MYSM1: variants seen among roughly 807,000 people sequenced by gnomAD.
MYSM1 encodes deubiquitinase MYSM1.
A neutral mutation model predicts 116.0 loss-of-function variants in MYSM1; 51 were observed. The observed-to-expected ratio is 0.44, with a 90% confidence interval of 0.35 to 0.56. The LOEUF (loss-of-function observed/expected upper bound fraction) is 0.56. Ranked by LOEUF, MYSM1 falls within the 20% of genes least tolerant of loss-of-function variation. The pLI is 0.00. For synonymous variants in MYSM1, 313 were observed against 315.2 expected (o/e 0.99, Z 0.07); for missense variants, 900 against 974.9 (o/e 0.92, Z 1.02).
chr1:58,673,735 A>T, intron 10 of MYSM1, 85 bp from the exon 11 acceptor site: 1 of 1,126,760 alleles, frequency 8.9e-7, no homozygotes, highest in Non-Finnish European at 1.3e-6. Flanking sequence ...TGAAAACAAT[A>T]ATTATCTAAA....
intron 16 of MYSM1, among the ~76,000 whole-genome samples, chr1:58,666,831 GC>G (rs1644478278): frequency 6.6e-6 from 1 of 150,500 alleles, no homozygotes; most frequent in South Asian, 2.1e-4. Flanking sequence ...CCAAGATCGT[GC>G]CATTGCACTC....
At chr1:58,660,642 A>G (rs946248228) in intron 19 of MYSM1, among the ~76,000 whole-genome samples, 2 of 152,166 alleles carry the variant, frequency 1.3e-5, no homozygotes, top group Non-Finnish European at 2.9e-5. Flanking sequence ...CATATTAAAA[A>G]GAAACTTAAT....
chr1:58,664,149 G>T (rs1220982894), intron 17 of MYSM1, among the ~76,000 whole-genome samples: 2 of 152,154 alleles, frequency 1.3e-5, no homozygotes, highest in African/African-American at 4.8e-5. Context: ...GTACTGGATA[G>T]CATCAGAATT....
intron 5 of MYSM1, 161 bp downstream of exon 5, chr1:58,690,065 T>C (rs1644881519): frequency 1.7e-6 from 1 of 584,084 alleles, no homozygotes; most frequent in South Asian, 2.5e-5. Context: ...ACCATAAAAT[T>C]ATACTTGTGC....
At chr1:58,662,045 A>G (rs1569695904) in intron 17 of MYSM1, among the ~76,000 whole-genome samples, 1 of 151,970 alleles carries the variant, frequency 6.6e-6, no homozygotes, top group Admixed American at 6.6e-5. Context: ...AAGTGGCAGG[A>G]CACAGATGTT....
intron 19 of MYSM1, among the ~76,000 whole-genome samples, chr1:58,660,753 G>A (rs886943403): frequency 1.3e-5 from 2 of 152,016 alleles, no homozygotes; most frequent in African/African-American, 4.8e-5. Flanking sequence ...TGAACTGACA[G>A]AATTCAAAAC....
At chr1:58,662,838 T>C (rs1036104384) in intron 17 of MYSM1, among the ~76,000 whole-genome samples, 19 of 152,086 alleles carry the variant, frequency 1.2e-4, no homozygotes, top group African/African-American at 4.3e-4. Context: ...CTCCAAAAAC[T>C]TAAGAAGAGT....
rs755886163 is a variant in MYSM1, at chr1:58,681,767, A to G, written c.1259+18T>C. 1.9e-6 allele frequency: 3 copies of G among 1,555,074 alleles called. No homozygotes were observed. Among genetic ancestry groups the G allele is most frequent in the Admixed American group, 2.1e-5 (1 of 48,484 alleles). On this transcript the variant is annotated intron_variant, in intron 8 of 19. Coordinates refer to ENST00000472487, the MANE Select transcript of MYSM1 (RefSeq NM_001085487.3). ...TATCACGTTTTAAAACAACATCTAT[A>G]ATGTAATTCTTTCTTACCATTGATC...
At chr1:58,688,743 G>A (rs1456626439) in intron 6 of MYSM1, among the ~76,000 whole-genome samples, 1 of 151,786 alleles carries the variant, frequency 6.6e-6, no homozygotes, top group Non-Finnish European at 1.5e-5. Context: ...AATCCAGGTA[G>A]TTGGTGTCAT....
chr1:58,673,130 A>G (rs1253384225), intron 11 of MYSM1, among the ~76,000 whole-genome samples: 3 of 152,256 alleles, frequency 2.0e-5, no homozygotes, highest in African/African-American at 7.2e-5. Flanking sequence ...TGCTTAAAGT[A>G]ACAAAGCCAG....
chr1:58,676,802 T>C, intron 9 of MYSM1, 124 bp downstream of exon 9: 3 of 932,392 alleles, frequency 3.2e-6, no homozygotes, highest in East Asian at 7.0e-5. Flanking sequence ...TATTAAATAA[T>C]GTTACAGCAC....
intron 12 of MYSM1, 82 bp downstream of exon 12, chr1:58,671,788 A>C: frequency 9.8e-7 from 1 of 1,017,372 alleles, no homozygotes; most frequent in Non-Finnish European, 1.5e-6. Flanking sequence ...GAACAATATA[A>C]TGCAGCTATT....
At chr1:58,663,576 T>C (rs1308703233) in intron 17 of MYSM1, among the ~76,000 whole-genome samples, 2 of 152,242 alleles carry the variant, frequency 1.3e-5, no homozygotes, top group African/African-American at 4.8e-5. Context: ...GTGTTAAGCA[T>C]GGACAAGTCA....
chr1:58,666,808 A>T (rs1382022945), intron 16 of MYSM1, among the ~76,000 whole-genome samples: 1 of 151,614 alleles, frequency 6.6e-6, no homozygotes, highest in Non-Finnish European at 1.5e-5. Context: ...TAAGAGGCAG[A>T]GGTTGCAGTG....
At chr1:58,685,589 G>A (rs536255623) in intron 6 of MYSM1, among the ~76,000 whole-genome samples, 24 of 152,278 alleles carry the variant, frequency 1.6e-4, no homozygotes, top group African/African-American at 5.8e-4. Context: ...ATAAGTGCCT[G>A]AAAGGGGTAC....
Position 58,668,635 on chromosome 1 carries a change from A to C in MYSM1, c.1764T>G (p.Asp588Glu). The change falls in exon 14 of 20, where the codon GAT becomes GAG. Residue 588 changes from aspartate to glutamate, a missense_variant. Physicochemically the swap from Asp to Glu is conservative, Grantham distance 45. Around this residue, in one of 3 missense-constraint regions of MYSM1, gnomAD observed 92 missense variants for 155.0 expected, o/e 0.59. Transcript: ENST00000472487. ...KVASEALLIM[D>E]LHAHVSMAEV... ...AAACACAATAGATTATCCTTACCAA[A>C]TCCATTATTAAAAGTGCTTCTGAAG... 6.2e-7 allele frequency: 1 copy of C among 1,603,746 alleles called. No individual in the cohort carries two copies.
At position 58,659,915 on chromosome 1, in the gene MYSM1, G is replaced by T; in HGVS notation, c.*82C>A. The stretch of plus-strand genomic sequence containing the variant: ...GAAAAAATACCAAAGCTGTGCCAAT[G>T]TTAACTACAATCACTTCAAGTTTAT... On this transcript the variant is annotated 3_prime_UTR_variant, in exon 20 of 20. Transcript: ENST00000472487. 2 of 934,740 alleles carry T rather than the reference G, an allele frequency of 2.1e-6. No individual in the cohort carries two copies. Among genetic ancestry groups the T allele is most frequent in the Non-Finnish European group, 3.0e-6 (2 of 665,648 alleles). 57.9% of individuals were successfully genotyped at this position (934,740 alleles called of 1,614,324 possible).
In MYSM1 at chr1:58,673,579, C is replaced by G. The variant is rs138210329; in HGVS notation, c.1566G>C (p.Thr522=). ...WCDAKDLEGQ[T]FEHLSAEELA... Reference sequence around the variant, plus strand: ...TTTGAAAGGTCAAAGTTACCTCAAACGTTTGTCCTTCTAAGTCCTTTGCAT... The same window carrying G: ...TTTGAAAGGTCAAAGTTACCTCAAAGGTTTGTCCTTCTAAGTCCTTTGCAT... Residue 522 remains threonine, a synonymous_variant, in exon 11 of 20, where the codon ACG becomes ACC. Transcript: ENST00000472487. 6.2e-7 allele frequency: 1 copy of G among 1,613,814 alleles called. No individual in the cohort carries two copies.
intron 6 of MYSM1, among the ~76,000 whole-genome samples, chr1:58,688,497 C>T (rs555250739): frequency 2.6e-4 from 39 of 150,938 alleles, no homozygotes; most frequent in Admixed American, 6.6e-4. Flanking sequence ...AACCAGAATA[C>T]GTATCTTTTC....
Sources: gnomAD v4.1 joint callset for allele counts (sites outside exome capture counted in the v4.1 genomes callset) on GRCh38, gnomAD v4.1.1 for gene constraint, gnomAD v4.1.1 regional missense constraint, MANE v1.5 for transcripts, NCBI Gene and HGNC (gene_info 2026-07-23, HGNC 2026-07-21) for gene names.